SDK1: variants seen among roughly 807,000 people sequenced by gnomAD.
The protein encoded by SDK1 is protein sidekick-1.
A neutral mutation model predicts 245.5 loss-of-function variants in SDK1; 157 were observed. That is an observed-to-expected ratio of 0.64 (90% CI 0.56 to 0.73). SDK1 has a LOEUF of 0.73. Among genes scored for constraint, SDK1 ranks in the 30% least tolerant of loss-of-function variants. The pLI is 0.00. For missense variants in SDK1, 3,583 were observed against 3,002.3 expected (o/e 1.19, Z -4.52); for synonymous variants, 1,647 against 1,278.5 (o/e 1.29, Z -6.15).
chr7:3,423,225 G>A (rs1779581098), intron 1 of SDK1, among the ~76,000 whole-genome samples: 1 of 152,082 alleles, frequency 6.6e-6, no homozygotes, highest in Non-Finnish European at 1.5e-5. Context: ...GTTTTTTATT[G>A]TGGCCAATAT....
At chr7:3,862,652 A>G (rs1312323554) in intron 5 of SDK1, among the ~76,000 whole-genome samples, 1 of 152,146 alleles carries the variant, frequency 6.6e-6, no homozygotes, top group Non-Finnish European at 1.5e-5. Flanking sequence ...TTTTCACTTC[A>G]AATGTCAGGC....
chr7:4,031,395 C>A (rs1042110580), intron 17 of SDK1, among the ~76,000 whole-genome samples: 3 of 152,088 alleles, frequency 2.0e-5, no homozygotes, highest in African/African-American at 7.2e-5. Flanking sequence ...AGTTTACTAG[C>A]CAATGGTAAT....
Position 3,301,826 on chromosome 7 carries a change from C to G in SDK1, c.240C>G (p.Arg80=). The change falls in exon 1 of 45, where the codon CGC becomes CGG. Residue 80 remains arginine (R), a synonymous_variant. Coordinates refer to ENST00000404826, the MANE Select transcript of SDK1 (RefSeq NM_152744.4). ...GGGCGGCAAAGTTGGGGCCGGGCCG[C>G]CGCGGCTGGTGGGCGCTGCTGGCGC... The part of the protein sequence containing the change: ...GRRAAKLGPG[R]RGWWALLALQ... The G allele has an allele frequency of 1.8e-6, 2 of 1,108,772 alleles. No individual in the cohort carries two copies. Among genetic ancestry groups the G allele is most frequent in the South Asian group, 4.3e-5 (1 of 23,270 alleles). The allele number at this position is 1,108,772 out of a possible 1,614,324, so 68.7% of individuals were successfully genotyped here. A position where few individuals can be genotyped will look rare whatever the true frequency, so the allele number is the denominator to read the frequency against.
At chr7:3,396,509 T>A (rs1031157701) in intron 1 of SDK1, among the ~76,000 whole-genome samples, 3 of 151,858 alleles carry the variant, frequency 2.0e-5, no homozygotes, top group African/African-American at 7.2e-5. Context: ...TCTCTTTAAT[T>A]TTGTCAGTTT....
At chr7:3,585,260 G>C (rs1206257481) in intron 1 of SDK1, among the ~76,000 whole-genome samples, 6 of 152,186 alleles carry the variant, frequency 3.9e-5, no homozygotes, top group Admixed American at 3.3e-4. Context: ...CTCAGACATT[G>C]AGCTTTAAGA....
intron 22 of SDK1, among the ~76,000 whole-genome samples, chr7:4,089,378 A>G (rs1781643437): frequency 6.6e-6 from 1 of 152,218 alleles, no homozygotes; most frequent in South Asian, 2.1e-4. Context: ...AGGCTTGGAA[A>G]TGACAGATCT....
chr7:3,847,208 C>G (rs540790417), intron 5 of SDK1, among the ~76,000 whole-genome samples: 1 of 152,084 alleles, frequency 6.6e-6, no homozygotes, highest in Non-Finnish European at 1.5e-5. Flanking sequence ...ACATGTGTGC[C>G]CTGCTGTCTA....
At chr7:3,378,919 C>T (rs943370560) in intron 1 of SDK1, among the ~76,000 whole-genome samples, 2 of 152,008 alleles carry the variant, frequency 1.3e-5, no homozygotes, top group African/African-American at 4.8e-5. Flanking sequence ...GCATGCTCAC[C>T]GACCTCCCAC....
chr7:3,479,179 T>C lies in SDK1; in HGVS notation c.299-139901T>C, dbSNP rs1781434070. Among the ~76,000 whole-genome samples the C allele has an allele frequency of 2.0e-5, 3 of 152,124 alleles. No homozygotes were observed. In the South Asian group the frequency reaches 6.2e-4, roughly 32 times the overall value. ...CACACCTGTTGTAATCCTAGCACTT[T>C]GGGAGGCTGAGGAGGGCGGATCACT... On this transcript the variant is annotated intron_variant, in intron 1 of 44. Transcript: ENST00000404826.
chr7:4,008,160 CTT>C (rs1351654741), intron 14 of SDK1, among the ~76,000 whole-genome samples: 2 of 152,196 alleles, frequency 1.3e-5, no homozygotes, highest in Non-Finnish European at 2.9e-5. Context: ...CTTTTTGTGA[CTT>C]ATTTCATGTA....
chr7:3,365,634 A>G (rs1377540758), intron 1 of SDK1, among the ~76,000 whole-genome samples: 2 of 152,232 alleles, frequency 1.3e-5, no homozygotes, highest in Non-Finnish European at 1.5e-5. Flanking sequence ...AAACTATTGA[A>G]TAAAATTTAA....
chr7:3,542,687 A>G (rs6945746), intron 1 of SDK1, among the ~76,000 whole-genome samples: 11,323 of 152,300 alleles, frequency 0.074, 515 homozygotes, highest in East Asian at 0.19. Flanking sequence ...TATGCCTTAC[A>G]GTACTATTGT....
chr7:3,404,477 A>C (rs1049358319), intron 1 of SDK1, among the ~76,000 whole-genome samples: 4 of 152,250 alleles, frequency 2.6e-5, no homozygotes, highest in Non-Finnish European at 5.9e-5. Context: ...TATTATTATT[A>C]ATAGTGACTG....
chr7:4,099,755 G>T (rs1215023713), intron 22 of SDK1, among the ~76,000 whole-genome samples: 4 of 147,534 alleles, frequency 2.7e-5, no homozygotes, highest in Non-Finnish European at 6.0e-5. Context: ...AGTGGGGCGT[G>T]TGTGAGCGGG....
intron 5 of SDK1, among the ~76,000 whole-genome samples, chr7:3,897,073 A>C (rs534950354): frequency 6.6e-6 from 1 of 152,300 alleles, no homozygotes; most frequent in African/African-American, 2.4e-5. Flanking sequence ...GAATTCTATC[A>C]TGAAAGCAGC....
At chr7:3,960,087 G>C (rs933364866) in intron 8 of SDK1, among the ~76,000 whole-genome samples, 2 of 152,224 alleles carry the variant, frequency 1.3e-5, no homozygotes, top group African/African-American at 2.4e-5. Context: ...AGAGCTCGGA[G>C]GGTAAGAATG....
At chr7:3,883,386 GT>G (rs1781254212) in intron 5 of SDK1, among the ~76,000 whole-genome samples, 1 of 152,228 alleles carries the variant, frequency 6.6e-6, no homozygotes, top group Non-Finnish European at 1.5e-5. Flanking sequence ...GAACGGCTAA[GT>G]GCTTGTTGCA....
chr7:3,681,653 A>G (rs1784104432), intron 4 of SDK1, among the ~76,000 whole-genome samples: 2 of 152,184 alleles, frequency 1.3e-5, no homozygotes, highest in Admixed American at 6.5e-5. Flanking sequence ...AGCTCCAAAG[A>G]TCATGTGCTT....
chr7:3,858,913 A>T (rs1211490337), intron 5 of SDK1, among the ~76,000 whole-genome samples: 2 of 142,026 alleles, frequency 1.4e-5, no homozygotes, highest in African/African-American at 5.5e-5. Flanking sequence ...CCCAGGCTGG[A>T]GTGCAGTGGC....
Sources: gnomAD v4.1 joint callset for allele counts (sites outside exome capture counted in the v4.1 genomes callset) on GRCh38, gnomAD v4.1.1 for gene constraint, MANE v1.5 for transcripts, NCBI Gene and HGNC (gene_info 2026-07-23, HGNC 2026-07-21) for gene names.